The following EYS variants were observed in gnomAD, a reference collection of about 807,000 sequenced individuals.
The protein encoded by EYS is protein eyes shut homolog.
A neutral mutation model predicts 282.1 loss-of-function variants in EYS; 250 were observed. The observed-to-expected ratio is 0.89, with a 90% CI of 0.80 to 0.98. The LOEUF (loss-of-function observed/expected upper bound fraction) is 0.98. Among genes scored for constraint, EYS ranks in the 50% least tolerant of loss-of-function variants. EYS has a pLI of 0.00. For missense variants in EYS, 4,016 were observed against 3,709.0 expected (o/e 1.08, Z -2.15); for synonymous variants, 1,355 against 1,282.9 (o/e 1.06, Z -1.20).
At chr6:65,391,770 C>T (rs1450076664) in intron 7 of EYS, among the ~76,000 whole-genome samples, 1 of 152,062 alleles carries the variant, frequency 6.6e-6, no homozygotes, top group Non-Finnish European at 1.5e-5. Flanking sequence ...GATTCAATGC[C>T]ATCCCCATCA....
intron 35 of EYS, among the ~76,000 whole-genome samples, chr6:63,908,879 T>G (rs923147768): frequency 6.6e-6 from 1 of 152,128 alleles, no homozygotes; most frequent in African/African-American, 2.4e-5. Flanking sequence ...GAAAAAGATG[T>G]TTCTGGGACT....
intron 13 of EYS, among the ~76,000 whole-genome samples, chr6:65,056,542 A>G (rs1483068891): frequency 6.6e-6 from 1 of 152,032 alleles, no homozygotes; most frequent in African/African-American, 2.4e-5. Flanking sequence ...GTGAGCTACG[A>G]TAGCACCACT....
At chr6:64,792,956 A>C (rs911423945) in intron 22 of EYS, among the ~76,000 whole-genome samples, 6 of 151,434 alleles carry the variant, frequency 4.0e-5, no homozygotes, top group Non-Finnish European at 8.9e-5. Context: ...AATATTTCCA[A>C]ATATAAAACA....
At chr6:64,402,072 T>C (rs1027336824) in intron 28 of EYS, among the ~76,000 whole-genome samples, 5 of 152,160 alleles carry the variant, frequency 3.3e-5, no homozygotes, top group African/African-American at 1.2e-4. Context: ...CTTTGCTGAA[T>C]CCTGTTTCCC....
chr6:65,660,181 T>G, intron 1 of EYS, among the ~76,000 whole-genome samples: 1 of 151,826 alleles, frequency 6.6e-6, no homozygotes, highest in East Asian at 1.9e-4. Flanking sequence ...TAAAAAATCA[T>G]GAAGCTGGTC....
At chr6:64,968,691 T>G (rs1770184599) in intron 14 of EYS, among the ~76,000 whole-genome samples, 1 of 152,194 alleles carries the variant, frequency 6.6e-6, no homozygotes, top group African/African-American at 2.4e-5. Context: ...TTATTTTCTT[T>G]ACTAGTCAAT....
chr6:64,634,085 G>A (rs957664328), intron 22 of EYS, among the ~76,000 whole-genome samples: 2 of 152,202 alleles, frequency 1.3e-5, no homozygotes, highest in African/African-American at 2.4e-5. Context: ...CCGAGTTCAA[G>A]CAATTCTCCT....
chr6:63,792,896 C>T (rs1770552837), intron 37 of EYS, among the ~76,000 whole-genome samples: 1 of 152,114 alleles, frequency 6.6e-6, no homozygotes, highest in African/African-American at 2.4e-5. Flanking sequence ...GTCCATGAAG[C>T]AACAAACATG....
intron 22 of EYS, among the ~76,000 whole-genome samples, chr6:64,749,260 T>A (rs1274202879): frequency 6.6e-6 from 1 of 152,212 alleles, no homozygotes; most frequent in Non-Finnish European, 1.5e-5. Flanking sequence ...ACTATTGATG[T>A]AGATTATACC....
chr6:64,482,648 T>C (rs982120003), intron 26 of EYS, among the ~76,000 whole-genome samples: 4 of 151,718 alleles, frequency 2.6e-5, no homozygotes, highest in African/African-American at 9.7e-5. Context: ...ACGATTATTG[T>C]ATTATGGTTG....
chr6:65,122,747 T>C (rs1775598178), intron 12 of EYS, among the ~76,000 whole-genome samples: 1 of 152,126 alleles, frequency 6.6e-6, no homozygotes, highest in African/African-American at 2.4e-5. Flanking sequence ...ACTAAAACTA[T>C]TTTCTGTTTT....
chr6:65,439,084 T>A (rs9345627), intron 5 of EYS, among the ~76,000 whole-genome samples: 28,208 of 152,198 alleles, frequency 0.19, 3,265 homozygotes, highest in Middle Eastern at 0.3. Context: ...GCTAGCCAGT[T>A]TTCCCTGCAC....
At chr6:64,388,563 T>C (rs550663008) in intron 29 of EYS, 127 bp downstream of exon 29, 30 of 815,136 alleles carry the variant, frequency 3.7e-5, no homozygotes, top group Non-Finnish European at 4.5e-5. Context: ...AAAAACTTTT[T>C]TGAAACCATG....
At chr6:65,302,199 TA>T (rs1267626166) in intron 11 of EYS, among the ~76,000 whole-genome samples, 5 of 152,218 alleles carry the variant, frequency 3.3e-5, no homozygotes, top group Non-Finnish European at 7.3e-5. Flanking sequence ...GGAGATGTTT[TA>T]AAAACACATG....
intron 36 of EYS, among the ~76,000 whole-genome samples, chr6:63,856,912 A>G (rs906621167): frequency 2.6e-4 from 39 of 152,216 alleles, no homozygotes; most frequent in African/African-American, 9.4e-4. Flanking sequence ...GAACAAAATC[A>G]GATACACTTA....
At position 64,280,182 on chromosome 6, in the gene EYS, A is replaced by T. The variant is rs944074486; in HGVS notation, c.6191+26788T>A. On this transcript the variant is annotated intron_variant, in intron 30 of 42. Coordinates refer to ENST00000503581, the MANE Select transcript of EYS (RefSeq NM_001142800.2). ...TTAAATAAAAATATCAAGTAAATAA[A>T]TTAGGAATGTATATGTCATTATAGA... 5.9e-5 allele frequency among the ~76,000 whole-genome samples: 9 copies of T among 152,178 alleles called. No individual in the cohort carries two copies. In the East Asian group the frequency reaches 1.7e-3, roughly 29 times the overall value.
intron 31 of EYS, among the ~76,000 whole-genome samples, chr6:64,223,411 T>C (rs924487572): frequency 3.9e-5 from 6 of 152,028 alleles, no homozygotes; most frequent in South Asian, 2.1e-4. Flanking sequence ...TTTGGTACAA[T>C]TGAGGTCATT....
intron 33 of EYS, among the ~76,000 whole-genome samples, chr6:64,033,524 G>A (rs767188219): frequency 6.6e-6 from 1 of 151,966 alleles, no homozygotes; most frequent in Non-Finnish European, 1.5e-5. Context: ...TAATAATAAG[G>A]TTAATTACTG....
At chr6:63,857,180 C>T (rs571017766) in intron 36 of EYS, among the ~76,000 whole-genome samples, 14 of 152,044 alleles carry the variant, frequency 9.2e-5, no homozygotes, top group Non-Finnish European at 1.5e-4. Context: ...CTTCGTAGTC[C>T]GAGATGACTT....
Sources: allele counts gnomAD v4.1 joint callset (sites outside exome capture counted in the v4.1 genomes callset), GRCh38; gene constraint gnomAD v4.1.1; transcripts MANE v1.5; gene names NCBI Gene and HGNC (gene_info 2026-07-23, HGNC 2026-07-21).